The following PRR16 variants were observed in gnomAD, a reference collection of about 807,000 sequenced individuals.
The protein encoded by PRR16 is proline rich 16.
In PRR16, 6 loss-of-function variants were observed where a neutral mutation model predicts 18.2. The observed-to-expected ratio is 0.33, with a 90% CI of 0.18 to 0.65. The LOEUF is 0.65. PRR16 is among the 30% of genes least tolerant of loss of function. PRR16 has a pLI of 0.74. For synonymous variants in PRR16, 151 were observed against 147.8 expected (o/e 1.02, Z -0.16); for missense variants, 412 against 376.6 (o/e 1.09, Z -0.78).
the PRR16 span, among the ~76,000 whole-genome samples, chr5:120,742,300 G>A: frequency 1.7e-5 from 2 of 116,784 alleles, 1 homozygote; most frequent in African/African-American, 6.5e-5. Context: ...TTTTGCATCT[G>A]TCTTTTATAG....
chr5:120,737,643 C>CT, the PRR16 span, among the ~76,000 whole-genome samples: 1,626 of 141,618 alleles, frequency 0.011, 20 homozygotes, highest in African/African-American at 0.035. Flanking sequence ...TTCTTTCTTT[C>CT]TTTTTTTTTT....
chr5:120,665,681 G>C (rs1369416775), intron 1 of PRR16, among the ~76,000 whole-genome samples: 1 of 152,108 alleles, frequency 6.6e-6, no homozygotes. Flanking sequence ...CGTATGGCTA[G>C]CCAGTTTTCC....
At chr5:120,704,469 A>G in the PRR16 span, among the ~76,000 whole-genome samples, 5 of 152,068 alleles carry the variant, frequency 3.3e-5, no homozygotes, top group African/African-American at 1.2e-4. Context: ...CCAGATGGAG[A>G]GATGAGCAAA....
At chr5:120,532,202 T>C (rs1751573353) in intron 1 of PRR16, among the ~76,000 whole-genome samples, 1 of 152,204 alleles carries the variant, frequency 6.6e-6, no homozygotes, top group South Asian at 2.1e-4. Flanking sequence ...CACAGAAATA[T>C]GCTTATCCGG....
chr5:120,744,657 A>G, the PRR16 span, among the ~76,000 whole-genome samples: 1 of 152,350 alleles, frequency 6.6e-6, no homozygotes, highest in South Asian at 2.1e-4. Flanking sequence ...AGAGCTCATG[A>G]CATTTCTCAC....
chr5:120,692,306 C>T (rs1449145), downstream of PRR16, among the ~76,000 whole-genome samples: 125,774 of 152,134 alleles, frequency 0.83, 52,313 homozygotes, highest in East Asian at 0.92. Context: ...TTCTTTGTTA[C>T]GAACTCTGTC....
chr5:120,468,404 T>C (rs887676129), intron 1 of PRR16, among the ~76,000 whole-genome samples: 1 of 152,090 alleles, frequency 6.6e-6, no homozygotes, highest in Non-Finnish European at 1.5e-5. Context: ...TTTTAAGAGG[T>C]AGTCACAGGT....
intron 1 of PRR16, among the ~76,000 whole-genome samples, chr5:120,587,314 G>T (rs1333631893): frequency 6.6e-6 from 1 of 152,290 alleles, no homozygotes; most frequent in South Asian, 2.1e-4. Flanking sequence ...GATTAAGGTG[G>T]CTACACTAAA....
At chr5:120,786,396 C>T in the PRR16 span, among the ~76,000 whole-genome samples, 10 of 151,562 alleles carry the variant, frequency 6.6e-5, no homozygotes, top group African/African-American at 1.9e-4. Context: ...GGGAGGGCTG[C>T]TTTTAACAGT....
the PRR16 span, among the ~76,000 whole-genome samples, chr5:120,715,434 T>C: frequency 6.6e-6 from 1 of 152,204 alleles, no homozygotes; most frequent in Non-Finnish European, 1.5e-5. Flanking sequence ...GGGTATTAAG[T>C]AAGCTATAAT....
intron 1 of PRR16, among the ~76,000 whole-genome samples, chr5:120,678,885 A>G (rs1161834653): frequency 6.6e-6 from 1 of 152,146 alleles, no homozygotes; most frequent in Non-Finnish European, 1.5e-5. Flanking sequence ...TTATAGAAGT[A>G]ATATAAACTG....
intron 1 of PRR16, among the ~76,000 whole-genome samples, chr5:120,509,858 A>G (rs1486372381): frequency 2.6e-5 from 4 of 152,152 alleles, no homozygotes; most frequent in African/African-American, 9.7e-5. Context: ...AGCATTGAGT[A>G]ATATTTAATT....
chr5:120,472,263 T>C (rs936959657), intron 1 of PRR16, among the ~76,000 whole-genome samples: 1 of 152,162 alleles, frequency 6.6e-6, no homozygotes, highest in African/African-American at 2.4e-5. Context: ...CAGGTTCTTT[T>C]TGTAGTACCA....
At chr5:120,532,841 A>G (rs2112669093) in intron 1 of PRR16, among the ~76,000 whole-genome samples, 1 of 152,274 alleles carries the variant, frequency 6.6e-6, no homozygotes, top group Non-Finnish European at 1.5e-5. Context: ...AAAGCCATTT[A>G]CCCCCAAAAA....
chr5:120,645,488 A>AG (rs1755560618), intron 1 of PRR16, among the ~76,000 whole-genome samples: 1 of 150,882 alleles, frequency 6.6e-6, no homozygotes, highest in South Asian at 2.1e-4. Flanking sequence ...ATCAGCTATT[A>AG]GGGGCAAAAG....
At chr5:120,763,155 T>A in the PRR16 span, among the ~76,000 whole-genome samples, 20 of 52,844 alleles carry the variant, frequency 3.8e-4, no homozygotes, top group African/African-American at 1.3e-3. Flanking sequence ...TAATAGCAAT[T>A]TTTTTTTTTG....
At chr5:120,748,890 G>A in the PRR16 span, among the ~76,000 whole-genome samples, 3 of 152,188 alleles carry the variant, frequency 2.0e-5, no homozygotes, top group Non-Finnish European at 2.9e-5. Flanking sequence ...TTATTTAAGG[G>A]AAAAGATACA....
chr5:120,497,089 A>C (rs568731879), intron 1 of PRR16, among the ~76,000 whole-genome samples: 128 of 152,290 alleles, frequency 8.4e-4, no homozygotes, highest in African/African-American at 2.8e-3. Flanking sequence ...TTTCAATTCT[A>C]ATAAAGTAGC....
chr5:120,571,609 C>T (rs1280126212), intron 1 of PRR16, among the ~76,000 whole-genome samples: 3 of 151,964 alleles, frequency 2.0e-5, no homozygotes, highest in African/African-American at 7.3e-5. Context: ...AGAGATCAAG[C>T]TTAGAATGAA....
Sources: allele counts gnomAD v4.1 joint callset (sites outside exome capture counted in the v4.1 genomes callset), GRCh38; gene constraint gnomAD v4.1.1; transcripts MANE v1.5; gene names NCBI Gene and HGNC (gene_info 2026-07-23, HGNC 2026-07-21).